The following RALGAPA1 variants were observed in gnomAD, a reference collection of about 807,000 sequenced individuals.
The protein encoded by RALGAPA1 is ral GTPase-activating protein subunit alpha-1.
A neutral mutation model predicts 269.6 loss-of-function variants in RALGAPA1; 52 were observed. That is an observed-to-expected ratio of 0.19 (90% confidence interval 0.15 to 0.24). The LOEUF (loss-of-function observed/expected upper bound fraction) is 0.24. RALGAPA1 is among the 10% of genes least tolerant of loss of function. RALGAPA1 has a pLI of 1.00. For synonymous variants in RALGAPA1, 817 were observed against 1,008.3 expected (o/e 0.81, Z 3.60); for missense variants, 1,917 against 3,013.9 (o/e 0.64, Z 8.52).
At chr14:35,741,202 G>T (rs1335438286) in intron 11 of RALGAPA1, among the ~76,000 whole-genome samples, 1 of 151,724 alleles carries the variant, frequency 6.6e-6, no homozygotes, top group African/African-American at 2.4e-5. Context: ...AATGATGTGG[G>T]GTAGGCTCAT....
chr14:35,669,881 A>C (rs2064260606), intron 26 of RALGAPA1, among the ~76,000 whole-genome samples: 1 of 152,200 alleles, frequency 6.6e-6, no homozygotes, highest in Non-Finnish European at 1.5e-5. Flanking sequence ...ATAACCACAA[A>C]AGGGCTCAGT....
At chr14:35,639,943 GAA>G (rs60488327) in intron 31 of RALGAPA1, among the ~76,000 whole-genome samples, 29 of 117,908 alleles carry the variant, frequency 2.5e-4, no homozygotes, top group African/African-American at 5.2e-4. Flanking sequence ...TGTCTCAAAA[GAA>G]AAAAAAAAAA....
intron 6 of RALGAPA1, among the ~76,000 whole-genome samples, chr14:35,757,290 T>C (rs1260637419): frequency 1.3e-5 from 2 of 151,922 alleles, no homozygotes; most frequent in South Asian, 2.1e-4. Context: ...CCCAGCTAAT[T>C]TTTGTATTTT....
Position 35,688,738 on chromosome 14 carries a change from T to C in RALGAPA1, c.3673A>G (p.Ser1225Gly). Residue 1225 changes from serine to glycine, a missense_variant, in exon 18 of 42, where the codon AGC becomes GGC. Ser to Gly is a moderately conservative substitution (Grantham distance 56). Around this residue, in one of 11 missense-constraint regions of RALGAPA1, gnomAD observed 615 missense variants for 790.0 expected, o/e 0.78. Coordinates refer to ENST00000680220, the MANE Select transcript of RALGAPA1 (RefSeq NM_001346249.2). ...LDTLGTASVS[S>G]KTVKESTEIP... is the part of the protein sequence containing the mutation. The stretch of plus-strand genomic sequence containing the variant: ...TCTGTGGATTCCTTCACTGTTTTGC[T>C]GCTTACTGATGCAGTACCAAGTGTA... The C allele has an allele frequency of 3.4e-6, 5 of 1,465,072 alleles. No individual in the cohort carries two copies. The highest frequency in any genetic ancestry group is 4.5e-6 in the Non-Finnish European group (5 of 1,115,198). 90.8% of individuals were successfully genotyped at this position (1,465,072 alleles called of 1,614,324 possible). A position where few individuals can be genotyped will look rare whatever the true frequency, so the allele number is the denominator to read the frequency against.
chr14:35,659,350 TAAAA>T (rs2063394962), intron 27 of RALGAPA1, among the ~76,000 whole-genome samples, 154 bp from the exon 28 acceptor site: 1 of 152,196 alleles, frequency 6.6e-6, no homozygotes, highest in Admixed American at 6.5e-5. Context: ...GCTAAATAAA[TAAAA>T]GTTTCTGAAA....
At chr14:35,704,155 A>G (rs535798931) in intron 16 of RALGAPA1, among the ~76,000 whole-genome samples, 93 of 152,308 alleles carry the variant, frequency 6.1e-4, no homozygotes, top group African/African-American at 2.2e-3. Flanking sequence ...TATTATCATA[A>G]TACACATAAA....
At chr14:35,657,588 A>T (rs1379118628) in intron 28 of RALGAPA1, among the ~76,000 whole-genome samples, 12 of 152,006 alleles carry the variant, frequency 7.9e-5, no homozygotes, top group Non-Finnish European at 1.8e-4. Context: ...CATATTCTCC[A>T]TAACACAAGC....
In RALGAPA1 at chr14:35,627,818, G is replaced by A. The variant is rs370666498; in HGVS notation, c.6129C>T (p.His2043=). Reference sequence around the variant, plus strand: ...CAGTACTTTCACTGTAATGATTGTCGTGATTTTCACACACCTGACTTGTTA... The same window carrying A: ...CAGTACTTTCACTGTAATGATTGTCATGATTTTCACACACCTGACTTGTTA... The part of the protein sequence containing the change: ...AMLTSQVCEN[H]DNHYSESTEL... Residue 2043 remains histidine (H), a synonymous_variant, in exon 34 of 42, where the codon CAC becomes CAT. Coordinates refer to ENST00000680220, the MANE Select transcript of RALGAPA1 (RefSeq NM_001346249.2). The A allele has an allele frequency of 6.8e-5, 107 of 1,577,708 alleles. No homozygotes were observed. Among genetic ancestry groups the A allele is most frequent in the Middle Eastern group, 1.7e-4 (1 of 5,784 alleles).
At chr14:35,803,304 G>A (rs777502732) in intron 1 of RALGAPA1, among the ~76,000 whole-genome samples, 15 of 152,022 alleles carry the variant, frequency 9.9e-5, no homozygotes, top group Non-Finnish European at 1.9e-4. Context: ...ATGCAAAAAC[G>A]TAAACTTCTA....
intron 31 of RALGAPA1, among the ~76,000 whole-genome samples, chr14:35,650,187 G>A (rs1232757052): frequency 6.6e-6 from 1 of 151,990 alleles, no homozygotes. Context: ...GCCTGGCCAA[G>A]ATGATGAGAC....
intron 1 of RALGAPA1, among the ~76,000 whole-genome samples, chr14:35,801,045 C>G (rs1411360483): frequency 1.4e-5 from 2 of 143,930 alleles, no homozygotes; most frequent in Non-Finnish European, 3.0e-5. Context: ...ATAGCAAAGA[C>G]CAAAGCAGAC....
intron 16 of RALGAPA1, among the ~76,000 whole-genome samples, chr14:35,720,127 T>A (rs919373459): frequency 6.6e-6 from 1 of 152,216 alleles, no homozygotes; most frequent in Non-Finnish European, 1.5e-5. Flanking sequence ...TCAAATATAA[T>A]CATTTTCCTT....
Position 35,688,452 on chromosome 14 carries a change from T to C in RALGAPA1, c.3952+7A>G, listed in dbSNP as rs1374221537. 2.6e-6 allele frequency: 4 copies of C among 1,536,142 alleles called. No individual in the cohort carries two copies. Among genetic ancestry groups the C allele is most frequent in the Admixed American group, 2.0e-5 (1 of 51,004 alleles). On this transcript the variant is annotated splice_region_variant and intron_variant, in intron 18 of 41. Coordinates refer to ENST00000680220, the MANE Select transcript of RALGAPA1 (RefSeq NM_001346249.2). Reference sequence around the variant, plus strand: ...CCTTTTGCGCTCTGCACACTGTTAGTGCTCACCTGCAGCTTTCCTTCCAAA... The same window carrying C: ...CCTTTTGCGCTCTGCACACTGTTAGCGCTCACCTGCAGCTTTCCTTCCAAA...
chr14:35,709,338 T>C (rs1184654483), intron 16 of RALGAPA1, among the ~76,000 whole-genome samples: 1 of 152,096 alleles, frequency 6.6e-6, no homozygotes, highest in Non-Finnish European at 1.5e-5. Context: ...ATGTACCCCA[T>C]AAATATATAT....
intron 35 of RALGAPA1, among the ~76,000 whole-genome samples, chr14:35,613,618 T>A: frequency 6.6e-6 from 1 of 152,220 alleles, no homozygotes; most frequent in Non-Finnish European, 1.5e-5. Flanking sequence ...TCTTCAGCAT[T>A]TCTTGGCTTG....
At chr14:35,596,262 C>T (rs1268383328) in intron 36 of RALGAPA1, among the ~76,000 whole-genome samples, 2 of 151,960 alleles carry the variant, frequency 1.3e-5, no homozygotes, top group African/African-American at 4.8e-5. Flanking sequence ...AACTTAATTA[C>T]AGTTTAGTTA....
rs41522245 is a variant in RALGAPA1, at chr14:35,766,863, A to G, written c.325+4079T>C. The stretch of plus-strand genomic sequence containing the variant: ...CACAGAACAGGAAGTGCCCAGGATG[A>G]TATTTTTACACAGGCTGTAAACATG... On this transcript the variant is annotated intron_variant, in intron 4 of 41. Transcript: ENST00000680220. 9.2e-3 allele frequency: 4,117 copies of G among 449,316 alleles called. 138 individuals carry two copies. Among genetic ancestry groups the G allele is most frequent in the African/African-American group, 0.075 (3,679 of 49,202 alleles). 27.8% of individuals were successfully genotyped at this position (449,316 alleles called of 1,614,324 possible).
intron 14 of RALGAPA1, among the ~76,000 whole-genome samples, chr14:35,724,172 T>C (rs1485996650): frequency 6.6e-6 from 1 of 152,128 alleles, no homozygotes. Flanking sequence ...GGGTTAGCTC[T>C]AACAATGGAG....
intron 16 of RALGAPA1, chr14:35,715,609 G>T: frequency 2.2e-6 from 1 of 446,916 alleles, no homozygotes; most frequent in Non-Finnish European, 3.0e-6. Flanking sequence ...ATATTTGGTT[G>T]ATTCTAATCT....
Sources: gnomAD v4.1 joint callset for allele counts (sites outside exome capture counted in the v4.1 genomes callset) on GRCh38, gnomAD v4.1.1 for gene constraint, gnomAD v4.1.1 regional missense constraint, MANE v1.5 for transcripts, NCBI Gene and HGNC (gene_info 2026-07-23, HGNC 2026-07-21) for gene names.